The following DISC1 variants were observed in gnomAD, a reference collection of about 807,000 sequenced individuals.
DISC1 encodes the protein disrupted in schizophrenia 1 protein.
A neutral mutation model predicts 84.5 loss-of-function variants in DISC1; 57 were observed. The observed-to-expected ratio is 0.67, with a 90% CI of 0.55 to 0.84. The LOEUF (loss-of-function observed/expected upper bound fraction) is 0.84, where lower values mean the gene tolerates loss of function less well. Among genes scored for constraint, DISC1 ranks in the 40% least tolerant of loss-of-function variants. DISC1 has a pLI of 0.00. For synonymous variants in DISC1, 411 were observed against 415.2 expected, an observed-to-expected ratio of 0.99 and a Z score of 0.12; for missense variants, 1,000 against 1,057.8, an observed-to-expected ratio of 0.95 and a Z score of 0.76.
chr1:231,682,746 G>T (rs2063816808), intron 1 of DISC1, among the ~76,000 whole-genome samples: 1 of 152,170 alleles, frequency 6.6e-6, no homozygotes, highest in Non-Finnish European at 1.5e-5. Flanking sequence ...TCCTCTAACG[G>T]TAAGGGCTTA....
Position 231,767,240 on chromosome 1 carries a change from T to A in DISC1, c.1369T>A (p.Trp457Arg), listed in dbSNP as rs2076233252. 1.9e-6 allele frequency: 3 copies of A among 1,614,234 alleles called. No homozygotes were observed. The highest frequency in any genetic ancestry group is 2.2e-5 in the South Asian group (2 of 91,086). ...SLHVSITRRD[W>R]LLQEKQQLQK... Reference sequence around the variant, plus strand: ...GCACGTGTCCATCACGAGACGAGACTGGCTTCTTCAGGAAAAGCAGCAGCT... The same window carrying A: ...GCACGTGTCCATCACGAGACGAGACAGGCTTCTTCAGGAAAAGCAGCAGCT... Residue 457 changes from tryptophan (W) to arginine (R), a missense_variant, in exon 5 of 13, where the codon TGG becomes AGG. Trp to Arg is a moderately radical substitution (Grantham distance 101, BLOSUM62 -3). Transcript: ENST00000439617.
Position 231,719,906 on chromosome 1 carries a change from G to GTAAA in DISC1, c.1117+17882_1117+17883insTAAA, listed in dbSNP as rs529195722. On this transcript the variant is annotated intron_variant, in intron 3 of 12. Coordinates refer to ENST00000439617, the MANE Select transcript of DISC1 (RefSeq NM_018662.3). ...TTATTTTCCGTCACAGCCATGTATT[G>GTAAA]GGTGGAATGACCTTTAGTAGCTGAT... 4.5e-3 allele frequency among the ~76,000 whole-genome samples: 689 copies of GTAAA among 152,280 alleles called. 5 individuals are homozygous for GTAAA. The highest frequency in any genetic ancestry group is 7.4e-3 in the Non-Finnish European group (502 of 68,018).
At chr1:231,822,909 T>A (rs2081602229) in intron 9 of DISC1, among the ~76,000 whole-genome samples, 1 of 152,156 alleles carries the variant, frequency 6.6e-6, no homozygotes, top group Non-Finnish European at 1.5e-5. Context: ...TCCCAGAAAC[T>A]AATAGAGTGA....
chr1:231,946,856 A>G (rs1217058275), intron 9 of DISC1, among the ~76,000 whole-genome samples: 1 of 152,238 alleles, frequency 6.6e-6, no homozygotes, highest in Non-Finnish European at 1.5e-5. Flanking sequence ...CCCTTTCATA[A>G]TTGCTACAAA....
At chr1:231,851,969 G>A (rs781522554) in intron 9 of DISC1, among the ~76,000 whole-genome samples, 19 of 152,170 alleles carry the variant, frequency 1.2e-4, no homozygotes, top group Non-Finnish European at 2.4e-4. Flanking sequence ...ATGGGAGAGG[G>A]TGCTTAGGAG....
At chr1:231,889,299 C>T (rs1073180) in intron 9 of DISC1, among the ~76,000 whole-genome samples, 50,537 of 152,028 alleles carry the variant, frequency 0.33, 8,625 homozygotes, top group Non-Finnish European at 0.35. Context: ...GCGGGGTACA[C>T]GCCACCAAGA....
chr1:231,971,884 T>A (rs1387285835), intron 10 of DISC1, among the ~76,000 whole-genome samples: 1 of 152,156 alleles, frequency 6.6e-6, no homozygotes, highest in African/African-American at 2.4e-5. Context: ...AATTCCCCAG[T>A]AGAAATCATA....
chr1:232,019,996 G>A (rs1033984581), intron 11 of DISC1, among the ~76,000 whole-genome samples: 2 of 152,128 alleles, frequency 1.3e-5, no homozygotes, highest in Non-Finnish European at 2.9e-5. Flanking sequence ...ATGTCTACAG[G>A]TGCTGGCTGT....
intron 1 of DISC1, among the ~76,000 whole-genome samples, chr1:231,659,045 A>G (rs2061364941): frequency 6.6e-6 from 1 of 152,160 alleles, no homozygotes; most frequent in Admixed American, 6.6e-5. Flanking sequence ...GAATAATTTC[A>G]GTCAAAATGA....
intron 10 of DISC1, among the ~76,000 whole-genome samples, chr1:231,991,790 C>T (rs569437024): frequency 3.3e-5 from 5 of 152,276 alleles, no homozygotes; most frequent in East Asian, 1.9e-4. Flanking sequence ...CTTTGCTGTC[C>T]TCCAACCCTG....
chr1:231,914,408 G>A (rs1327929042), intron 9 of DISC1, among the ~76,000 whole-genome samples: 1 of 152,050 alleles, frequency 6.6e-6, no homozygotes, highest in East Asian at 1.9e-4. Flanking sequence ...ATAAAAGCTT[G>A]GCTATGATGG....
At chr1:231,770,724 T>A in intron 5 of DISC1, 111 bp from the exon 6 acceptor site, 4 of 1,530,910 alleles carry the variant, frequency 2.6e-6, no homozygotes, top group Non-Finnish European at 3.5e-6. Context: ...AAGGGGAGTT[T>A]TGTAGTTCTG....
intron 8 of DISC1, 75 bp from the exon 9 acceptor site, chr1:231,818,254 C>A: frequency 7.0e-7 from 1 of 1,438,630 alleles, no homozygotes; most frequent in Non-Finnish European, 9.8e-7. Context: ...TGTACATTAG[C>A]TGCTGCTAGA....
intron 9 of DISC1, among the ~76,000 whole-genome samples, chr1:231,927,126 A>G (rs1454479274): frequency 6.6e-6 from 1 of 152,226 alleles, no homozygotes; most frequent in African/African-American, 2.4e-5. Flanking sequence ...CTCTCCAACT[A>G]GAAAGGCGAA....
At chr1:231,777,015 T>C (rs1188214021) in intron 6 of DISC1, among the ~76,000 whole-genome samples, 2 of 152,188 alleles carry the variant, frequency 1.3e-5, no homozygotes, top group African/African-American at 4.8e-5. Context: ...GTCTCCAAGC[T>C]GCTTTTCCAT....
intron 10 of DISC1, among the ~76,000 whole-genome samples, chr1:231,965,145 G>T (rs1466156696): frequency 1.3e-5 from 2 of 152,228 alleles, no homozygotes; most frequent in African/African-American, 4.8e-5. Flanking sequence ...GGAAGTATCT[G>T]ATGCTGGCAG....
chr1:231,695,527 C>T (rs992809850), intron 2 of DISC1, among the ~76,000 whole-genome samples: 2 of 152,108 alleles, frequency 1.3e-5, no homozygotes, highest in Non-Finnish European at 2.9e-5. Flanking sequence ...TAGAGATGCT[C>T]TGTGGCTCAT....
intron 9 of DISC1, among the ~76,000 whole-genome samples, chr1:231,958,226 A>G (rs1659857518): frequency 6.6e-6 from 1 of 152,228 alleles, no homozygotes; most frequent in Admixed American, 6.5e-5. Context: ...TGCCTCTTTG[A>G]TCTGCTGAAC....
At chr1:231,867,098 C>T (rs1283540601) in intron 9 of DISC1, among the ~76,000 whole-genome samples, 1 of 152,182 alleles carries the variant, frequency 6.6e-6, no homozygotes, top group Non-Finnish European at 1.5e-5. Context: ...TTCAGTGTTA[C>T]GTTATGGGGT....
Sources: allele counts gnomAD v4.1 joint callset (sites outside exome capture counted in the v4.1 genomes callset), GRCh38; gene constraint gnomAD v4.1.1; transcripts MANE v1.5; gene names NCBI Gene and HGNC (gene_info 2026-07-23, HGNC 2026-07-21).